Variants in KCTD16 observed in about 807,000 individuals in gnomAD.
KCTD16 encodes BTB/POZ domain-containing protein KCTD16.
Under a neutral mutation model 33.2 loss-of-function variants are expected in KCTD16, and 13 were observed. The observed-to-expected ratio is 0.39, with a 90% confidence interval of 0.25 to 0.62. KCTD16 has a LOEUF of 0.62. Ranked by LOEUF, KCTD16 falls within the 20% of genes least tolerant of loss-of-function variation. The pLI, the probability that KCTD16 is intolerant of heterozygous loss-of-function variation, is 0.50. For synonymous variants in KCTD16, 197 were observed against 195.3 expected (o/e 1.01, Z -0.07); for missense variants, 441 against 525.1 (o/e 0.84, Z 1.57).
chr5:144,458,727 T>G (rs1327862769), intron 3 of KCTD16, among the ~76,000 whole-genome samples: 1 of 152,172 alleles, frequency 6.6e-6, no homozygotes, highest in Non-Finnish European at 1.5e-5. Context: ...CTGTTAGTTT[T>G]TAATAATGTT....
chr5:144,411,063 TATGCTC>T (rs1437315089), intron 3 of KCTD16, among the ~76,000 whole-genome samples: 10 of 152,302 alleles, frequency 6.6e-5, no homozygotes, highest in African/African-American at 1.7e-4. Flanking sequence ...AAAGGCATTC[TATGCTC>T]ATGATTAAAA....
At chr5:144,341,549 G>T (rs1316461528) in intron 3 of KCTD16, among the ~76,000 whole-genome samples, 1 of 152,168 alleles carries the variant, frequency 6.6e-6, no homozygotes, top group Non-Finnish European at 1.5e-5. Flanking sequence ...AGGTTTCTAT[G>T]TTAGACAAAG....
chr5:144,281,061 A>T (rs1755593860), intron 3 of KCTD16, among the ~76,000 whole-genome samples: 1 of 149,054 alleles, frequency 6.7e-6, no homozygotes. Flanking sequence ...GGGAGCCTGT[A>T]GTTCCAGCTA....
intron 3 of KCTD16, among the ~76,000 whole-genome samples, chr5:144,444,974 T>C (rs1453305896): frequency 6.7e-6 from 1 of 149,884 alleles, no homozygotes; most frequent in Admixed American, 6.7e-5. Flanking sequence ...TTATATTACA[T>C]ATATTATATA....
intron 3 of KCTD16, among the ~76,000 whole-genome samples, chr5:144,258,204 A>G (rs1754904837): frequency 6.6e-6 from 1 of 152,172 alleles, no homozygotes; most frequent in South Asian, 2.1e-4. Context: ...AGTGTCCTAC[A>G]TATTCTAAGT....
At chr5:144,360,365 C>A (rs536415784) in intron 3 of KCTD16, among the ~76,000 whole-genome samples, 1 of 152,060 alleles carries the variant, frequency 6.6e-6, no homozygotes, top group Non-Finnish European at 1.5e-5. Flanking sequence ...ATTTTCTGTT[C>A]CTGTGTTAGT....
At chr5:144,297,056 G>A (rs1756057173) in intron 3 of KCTD16, among the ~76,000 whole-genome samples, 1 of 152,184 alleles carries the variant, frequency 6.6e-6, no homozygotes, top group African/African-American at 2.4e-5. Context: ...CGCAAGATGT[G>A]CTTTAAACGT....
intron 3 of KCTD16, among the ~76,000 whole-genome samples, chr5:144,382,362 A>G (rs1291214945): frequency 1.3e-5 from 2 of 152,168 alleles, no homozygotes; most frequent in African/African-American, 4.8e-5. Context: ...AAACCTGCAC[A>G]TGCACCCCTG....
intron 3 of KCTD16, among the ~76,000 whole-genome samples, chr5:144,389,502 G>A (rs1256374872): frequency 6.6e-6 from 1 of 151,932 alleles, no homozygotes; most frequent in Non-Finnish European, 1.5e-5. Flanking sequence ...AACTTCAGAT[G>A]GGATTATCTA....
intron 3 of KCTD16, among the ~76,000 whole-genome samples, chr5:144,298,839 A>G (rs965082280): frequency 6.7e-6 from 1 of 149,844 alleles, no homozygotes; most frequent in African/African-American, 2.5e-5. Flanking sequence ...TCTCTCCCCA[A>G]CTCCAGCTTA....
intron 3 of KCTD16, among the ~76,000 whole-genome samples, chr5:144,282,375 A>G (rs1389639566): frequency 1.8e-4 from 27 of 151,748 alleles, no homozygotes; most frequent in Non-Finnish European, 5.9e-5. Flanking sequence ...TTTTTTTTTT[A>G]ATCTGGCTGT....
chr5:144,301,565 G>T (rs1401649785), intron 3 of KCTD16, among the ~76,000 whole-genome samples: 2 of 152,142 alleles, frequency 1.3e-5, no homozygotes, highest in African/African-American at 2.4e-5. Context: ...TATAGTAGGT[G>T]CTTGGAAAAT....
In KCTD16 at chr5:144,199,707, A is replaced by ATTTTTTTT. The variant is rs574670606; in HGVS notation, c.-326-6661_-326-6654dup. 5.6e-4 allele frequency among the ~76,000 whole-genome samples: 38 copies of ATTTTTTTT among 67,724 alleles called. 2 individuals carry two copies. The highest frequency in any genetic ancestry group is 1.6e-3 in the African/African-American group (26 of 16,632). 44.4% of individuals were successfully genotyped at this position (67,724 alleles called of 152,430 possible). On this transcript the variant is annotated intron_variant, in intron 2 of 3. Transcript: ENST00000512467. ...TGACCATTTGTTCCAGAACAGCTTC[A>ATTTTTTTT]TTTTTTTTTTTTTTTTTTTTTTTTT...
chr5:144,434,023 A>G (rs971416934), intron 3 of KCTD16, among the ~76,000 whole-genome samples: 4 of 152,288 alleles, frequency 2.6e-5, no homozygotes, highest in African/African-American at 7.2e-5. Context: ...CAGAGCCCTC[A>G]GCTCTACTAA....
chr5:144,175,409 T>A (rs933738261), intron 2 of KCTD16, among the ~76,000 whole-genome samples: 1 of 152,200 alleles, frequency 6.6e-6, no homozygotes, highest in Admixed American at 6.5e-5. Flanking sequence ...ATATACTAAT[T>A]TATCTAAAAT....
chr5:144,405,788 G>T (rs1752798147), intron 3 of KCTD16, among the ~76,000 whole-genome samples: 1 of 152,102 alleles, frequency 6.6e-6, no homozygotes, highest in Admixed American at 6.6e-5. Context: ...ATTGCAGAAG[G>T]GATTAGTGGG....
intron 2 of KCTD16, among the ~76,000 whole-genome samples, chr5:144,175,252 GAGTA>G (rs1302138132): frequency 6.6e-6 from 1 of 152,174 alleles, no homozygotes; most frequent in African/African-American, 2.4e-5. Context: ...AATTGAAACA[GAGTA>G]AGTAATTTGT....
chr5:144,396,473 C>A (rs1266109344), intron 3 of KCTD16, among the ~76,000 whole-genome samples: 1 of 152,126 alleles, frequency 6.6e-6, no homozygotes, highest in Non-Finnish European at 1.5e-5. Flanking sequence ...TTGAATAAAA[C>A]TCGGAACATA....
At chr5:144,220,920 G>A (rs371495442) in intron 3 of KCTD16, among the ~76,000 whole-genome samples, 3 of 148,760 alleles carry the variant, frequency 2.0e-5, no homozygotes, top group Non-Finnish European at 4.4e-5. Context: ...CAGCCTGGGC[G>A]ACAGAGCGAG....
Sources: gnomAD v4.1 joint callset for allele counts (sites outside exome capture counted in the v4.1 genomes callset) on GRCh38, gnomAD v4.1.1 for gene constraint, MANE v1.5 for transcripts, NCBI Gene and HGNC (gene_info 2026-07-23, HGNC 2026-07-21) for gene names.